The following DLL4 variants were observed in gnomAD, a reference collection of about 807,000 sequenced individuals.
The protein encoded by DLL4 is delta like canonical Notch ligand 4.
Under a neutral mutation model 73.6 loss-of-function variants are expected in DLL4, and 7 were observed. That is an observed-to-expected ratio of 0.10 (90% CI 0.05 to 0.18). The LOEUF is 0.18. Among genes scored for constraint, DLL4 ranks in the 10% least tolerant of loss-of-function variants. The probability of loss-of-function intolerance (pLI) is 1.00; values close to 1 mark genes in which losing one functional copy is unlikely to be tolerated. For synonymous variants in DLL4, 345 were observed against 374.3 expected (o/e 0.92, Z 0.90); for missense variants, 614 against 929.9 (o/e 0.66, Z 4.42).
intron 4 of DLL4, 103 bp from the exon 5 acceptor site, chr15:40,932,068 G>T: frequency 1.5e-6 from 2 of 1,370,252 alleles, no homozygotes; most frequent in East Asian, 2.4e-5. Context: ...GGAGTAGGAA[G>T]AGGGCCCAGG....
Position 40,930,129 on chromosome 15 carries a change from T to G in DLL4, c.336+13T>G. ...TTTCACCTGGCCGGTGAGCACAGCCTGGGCGCACTGGGAGGTCGCAGAAGC... is the reference window on the plus strand; with the variant it reads ...TTTCACCTGGCCGGTGAGCACAGCCGGGGCGCACTGGGAGGTCGCAGAAGC... On this transcript the variant is annotated intron_variant, in intron 2 of 10. Transcript: ENST00000249749. This position sits in a 1 kb window ranked among gnomAD's most constrained non-coding sequence, Gnocchi z 5.7. 1.2e-6 allele frequency: 2 copies of G among 1,602,676 alleles called. No homozygotes were observed. The highest frequency in any genetic ancestry group is 1.7e-4 in the Middle Eastern group (1 of 6,050).
At chr15:40,937,930 GCC>G in intron 10 of DLL4, 97 bp from the exon 11 acceptor site, 2 of 1,471,424 alleles carry the variant, frequency 1.4e-6, no homozygotes, top group African/African-American at 2.8e-5. Flanking sequence ...CTTAGCCCCT[GCC>G]TGCCCCATCG....
chr15:40,931,491 C>T lies in DLL4; in HGVS notation c.395-12C>T. On this transcript the variant is annotated splice_polypyrimidine_tract_variant and intron_variant, in intron 3 of 10. Coordinates refer to ENST00000249749, the MANE Select transcript of DLL4 (RefSeq NM_019074.4). ...GGCGACCCTTCCCTGACCCGACCCT[C>T]TGCCCCCTCAGAGGCCTTGCCACCA... is the stretch of plus-strand genomic sequence containing the variant. 1.2e-6 allele frequency: 2 copies of T among 1,604,748 alleles called. No homozygotes were observed. The highest frequency in any genetic ancestry group is 1.7e-6 in the Non-Finnish European group (2 of 1,176,298).
intron 6 of DLL4, among the ~76,000 whole-genome samples, chr15:40,934,220 G>C (rs1892810240): frequency 6.6e-6 from 1 of 150,982 alleles, no homozygotes; most frequent in Non-Finnish European, 1.5e-5. Context: ...CAGCTACTTA[G>C]AAGGTTGAGG....
Position 40,936,322 on chromosome 15 carries a change from C to T in DLL4, c.1335C>T (p.Ala445=). The T allele has an allele frequency of 6.2e-7, 1 of 1,609,728 alleles. No homozygotes were observed. The highest frequency in any genetic ancestry group is 8.5e-7 in the Non-Finnish European group (1 of 1,178,408). The change falls in exon 9 of 11, where the codon GCC becomes GCT. Residue 445 remains alanine (A), a synonymous_variant. Coordinates refer to ENST00000249749, the MANE Select transcript of DLL4 (RefSeq NM_019074.4). ...GTGAACTCCACGTCAGCGACTGTGCCCGTAACCCTTGCGCCCACGGTGGCA... is the reference window on the plus strand; with the variant it reads ...GTGAACTCCACGTCAGCGACTGTGCTCGTAACCCTTGCGCCCACGGTGGCA... ...TYCELHVSDC[A]RNPCAHGGTC... is the part of the protein sequence containing the mutation.
Position 40,930,229 on chromosome 15 carries a change from C to T in DLL4, c.336+113C>T, listed in dbSNP as rs917528271. The T allele has an allele frequency of 7.7e-6, 10 of 1,305,188 alleles. No homozygotes were observed. The highest frequency in any genetic ancestry group is 2.2e-5 in the Admixed American group (1 of 44,552). The allele number at this position is 1,305,188 out of a possible 1,614,324, so 80.9% of individuals were successfully genotyped here. On this transcript the variant is annotated intron_variant, in intron 2 of 10. Coordinates refer to ENST00000249749, the MANE Select transcript of DLL4 (RefSeq NM_019074.4). This position sits in a 1 kb window ranked among gnomAD's most constrained non-coding sequence, Gnocchi z 5.7. ...TACACACACCCCCACCCCCAAAAAG[C>T]CCAGGATGCATTCTTTCCTGGCTCT...
rs551143936 is a variant in DLL4 at position 40,930,432 on chromosome 15, C to T, written c.337-193C>T. 1.7e-5 allele frequency: 11 copies of T among 654,242 alleles called. No homozygotes were observed. The East Asian group carries it at 2.7e-4, about 16-fold the overall frequency. 40.5% of individuals were successfully genotyped at this position (654,242 alleles called of 1,614,324 possible). ...CCCTTACACTCTCCCGTCTCTCAACCCTCCCTCTACCGGGGGTTCTCCTCT... is the reference window on the plus strand; with the variant it reads ...CCCTTACACTCTCCCGTCTCTCAACTCTCCCTCTACCGGGGGTTCTCCTCT... On this transcript the variant is annotated intron_variant, in intron 2 of 10. Transcript: ENST00000249749. The surrounding 1 kb of genome is among the most constrained non-coding windows in gnomAD (Gnocchi z 5.7).
At position 40,936,217 on chromosome 15, in the gene DLL4, C is replaced by T. The variant is rs1892841720; in HGVS notation, c.1241-11C>T. On this transcript the variant is annotated splice_polypyrimidine_tract_variant and intron_variant, in intron 8 of 10. Coordinates refer to ENST00000249749, the MANE Select transcript of DLL4 (RefSeq NM_019074.4). ...GGCTATCACTGACTTGTGTCTCATG[C>T]GTCCTCACAGGGGGACAGTGCCTGA... The T allele has an allele frequency of 5.8e-6, 9 of 1,558,742 alleles. No individual in the cohort carries two copies. The highest frequency in any genetic ancestry group is 4.6e-5 in the East Asian group (2 of 43,606).
intron 4 of DLL4, 143 bp from the exon 5 acceptor site, chr15:40,932,028 T>G: frequency 9.9e-7 from 1 of 1,013,170 alleles, no homozygotes; most frequent in Non-Finnish European, 1.4e-6. Flanking sequence ...TATTTCACTT[T>G]AAGACACTCG....
Position 40,929,345 on chromosome 15 carries a change from C to T in DLL4, c.-324C>T. On this transcript the variant is annotated 5_prime_UTR_variant, in exon 1 of 11. Transcript: ENST00000249749. The surrounding 1 kb of genome is among the most constrained non-coding windows in gnomAD (Gnocchi z 7.1). The stretch of plus-strand genomic sequence containing the variant: ...GCCCCCAGCGCGCAGGTTTCAGTAG[C>T]GGCGCTGCGCGCAGGCCGGGAACAC... 2.5e-6 allele frequency: 1 copy of T among 393,410 alleles called. No homozygotes were observed. The highest frequency in any genetic ancestry group is 4.5e-6 in the Non-Finnish European group (1 of 222,110). The allele number at this position is 393,410 out of a possible 1,614,324, so 24.4% of individuals were successfully genotyped here. A position where few individuals can be genotyped will look rare whatever the true frequency, so the allele number is the denominator to read the frequency against.
Position 40,929,812 on chromosome 15 carries a change from TC to T in DLL4, c.67-31del, listed in dbSNP as rs776704947. 6.2e-7 allele frequency: 1 copy of T among 1,608,514 alleles called. No individual in the cohort carries two copies. Among genetic ancestry groups the T allele is most frequent in the African/African-American group, 1.3e-5 (1 of 74,894 alleles). ...CCCGGGCACCAGCTGAGCTGACCGG[TC>T]CCCTCCCTCCTTCCCTCGGTCCCTG... On this transcript the variant is annotated intron_variant, in intron 1 of 10. Transcript: ENST00000249749. This position sits in a 1 kb window ranked among gnomAD's most constrained non-coding sequence, Gnocchi z 7.1.
At position 40,930,947 on chromosome 15, in the gene DLL4, G is replaced by A; in HGVS notation, c.394+265G>A. 3.5e-6 allele frequency: 2 copies of A among 573,590 alleles called. No individual in the cohort carries two copies. The highest frequency in any genetic ancestry group is 2.9e-5 in the East Asian group (1 of 34,226). 35.5% of individuals were successfully genotyped at this position (573,590 alleles called of 1,614,324 possible). On this transcript the variant is annotated intron_variant, in intron 3 of 10. Transcript: ENST00000249749. The surrounding 1 kb of genome is among the most constrained non-coding windows in gnomAD (Gnocchi z 5.7). ...CTGAAGCTGCCAGCGCCGCTGACGG[G>A]CCCCTTCCTGTATTTTACACCTTTC...
At chr15:40,937,561 G>A in intron 10 of DLL4, 35 bp downstream of exon 10, 1 of 1,477,872 alleles carries the variant, frequency 6.8e-7, no homozygotes, top group Non-Finnish European at 9.5e-7. Flanking sequence ...TCTGCCTTTT[G>A]TGGGAGGGAA....
In DLL4 at chr15:40,930,070, G is replaced by T. The variant is rs1892742159; in HGVS notation, c.290G>T (p.Gly97Val). ...TTCGCTGTCCGGGACGACAGTAGCG[G>T]CGGGGGGCGCAACCCTCTCCAACTG... ...NSFAVRDDSS[G>V]GGRNPLQLPF... Residue 97 changes from glycine to valine, a missense_variant, in exon 2 of 11, where the codon GGC becomes GTC. Transcript: ENST00000249749. The surrounding 1 kb of genome is among the most constrained non-coding windows in gnomAD (Gnocchi z 5.7). 1 of 1,607,110 alleles carries T rather than the reference G, an allele frequency of 6.2e-7. No homozygotes were observed. The highest frequency in any genetic ancestry group is 8.5e-7 in the Non-Finnish European group (1 of 1,177,486).
At position 40,929,548 on chromosome 15, in the gene DLL4, A is replaced by C; in HGVS notation, c.-121A>C. On this transcript the variant is annotated 5_prime_UTR_variant, in exon 1 of 11. Transcript: ENST00000249749. This position sits in a 1 kb window ranked among gnomAD's most constrained non-coding sequence, Gnocchi z 7.1. ...GCCAGCGAGAAGGCCAAAGGGGAGC[A>C]GCGTCCCGAGAGGAGCGCCTCTTTT... 1 of 918,202 alleles carries C rather than the reference A, an allele frequency of 1.1e-6. No homozygotes were observed. Among genetic ancestry groups the C allele is most frequent in the Admixed American group, 3.0e-5 (1 of 33,608 alleles). 56.9% of individuals were successfully genotyped at this position (918,202 alleles called of 1,614,324 possible).
At chr15:40,933,107 GC>G (rs1400311179) in intron 6 of DLL4, among the ~76,000 whole-genome samples, 1 of 143,156 alleles carries the variant, frequency 7.0e-6, no homozygotes, top group East Asian at 1.9e-4. Context: ...GCCAGCTGCA[GC>G]CAGCTGCAGC....
chr15:40,936,273 G>A lies in DLL4; in HGVS notation c.1286G>A (p.Arg429His), dbSNP rs370339149. 79 of 1,608,580 alleles carry A rather than the reference G, an allele frequency of 4.9e-5. No individual in the cohort carries two copies. Among genetic ancestry groups the A allele is most frequent in the African/African-American group, 2.0e-4 (15 of 74,868 alleles). Reference protein sequence around the residue: ...NRGPSRMCRCRPGFTGTYCEL... With the variant: ...NRGPSRMCRCHPGFTGTYCEL... ...GGTCCAAGCCGCATGTGCCGCTGCC[G>A]TCCTGGATTCACGGGCACCTACTGT... The change falls in exon 9 of 11, where the codon CGT becomes CAT. Residue 429 changes from arginine to histidine, a missense_variant. By Grantham distance (29) the Arg-to-His change is conservative. Around this residue, in one of 3 missense-constraint regions of DLL4, gnomAD observed 386 missense variants for 541.3 expected, o/e 0.71. Coordinates refer to ENST00000249749, the MANE Select transcript of DLL4 (RefSeq NM_019074.4).
At position 40,929,637 on chromosome 15, in the gene DLL4, G is replaced by T. The variant is rs200039900; in HGVS notation, c.-32G>T. On this transcript the variant is annotated 5_prime_UTR_variant, in exon 1 of 11. Transcript: ENST00000249749. This position sits in a 1 kb window ranked among gnomAD's most constrained non-coding sequence, Gnocchi z 7.1. ...CGTCGCGAACAGAGCCAGATTGAGG[G>T]CCCGCGGGTGGAGAGAGCGACGCCC... 6 of 1,500,986 alleles carry T rather than the reference G, an allele frequency of 4.0e-6. No individual in the cohort carries two copies. Among genetic ancestry groups the T allele is most frequent in the South Asian group, 4.0e-5 (3 of 75,776 alleles). 93.0% of individuals were successfully genotyped at this position (1,500,986 alleles called of 1,614,324 possible). A position where few individuals can be genotyped will look rare whatever the true frequency, so the allele number is the denominator to read the frequency against.
In DLL4 at chr15:40,934,532, G is replaced by A. The variant is rs1566879027; in HGVS notation, c.851-16G>A. 3.7e-6 allele frequency: 6 copies of A among 1,612,712 alleles called. No individual in the cohort carries two copies. Among genetic ancestry groups the A allele is most frequent in the Non-Finnish European group, 5.1e-6 (6 of 1,179,292 alleles). ...TTCCCTGGCCCTGCTCAGCTGCTTG[G>A]TTCCTGTTTCTGCAGATCTCAACTA... On this transcript the variant is annotated splice_polypyrimidine_tract_variant and intron_variant, in intron 6 of 10. Coordinates refer to ENST00000249749, the MANE Select transcript of DLL4 (RefSeq NM_019074.4).
Sources: gnomAD v4.1 joint callset for allele counts (sites outside exome capture counted in the v4.1 genomes callset) on GRCh38, gnomAD v4.1.1 for gene constraint, gnomAD v4.1.1 regional missense constraint, Gnocchi (gnomAD v3.1) non-coding constraint, MANE v1.5 for transcripts, NCBI Gene and HGNC (gene_info 2026-07-23, HGNC 2026-07-21) for gene names.